SF3B3: variants seen among roughly 807,000 people sequenced by gnomAD.
The protein encoded by SF3B3 is splicing factor 3b subunit 3.
SF3B3 carries 33 observed loss-of-function variants against 139.2 expected under a neutral mutation model. The ratio of observed to expected loss-of-function variants is 0.24; its 90% CI spans 0.18 to 0.32. The LOEUF is 0.32. SF3B3 is among the 10% of genes least tolerant of loss of function. SF3B3 has a pLI of 1.00. For synonymous variants in SF3B3, 596 were observed against 563.6 expected (o/e 1.06, Z -0.81); for missense variants, 818 against 1,509.4 (o/e 0.54, Z 7.59).
chr16:70,532,943 AC>A (rs1209697645), intron 5 of SF3B3, among the ~76,000 whole-genome samples: 1 of 152,126 alleles, frequency 6.6e-6, no homozygotes. Flanking sequence ...TTCAAACCTA[AC>A]TCTTTCAAAA....
At chr16:70,554,895 C>T (rs1415712827) in intron 12 of SF3B3, among the ~76,000 whole-genome samples, 156 bp from the exon 13 acceptor site, 1 of 152,198 alleles carries the variant, frequency 6.6e-6, no homozygotes, top group Admixed American at 6.5e-5. Flanking sequence ...TTGACCTTGC[C>T]TGAGGCCTAC....
At chr16:70,541,946 T>C (rs1456259547) in intron 9 of SF3B3, 112 bp downstream of exon 9, 1 of 991,852 alleles carries the variant, frequency 1.0e-6, no homozygotes, top group East Asian at 2.5e-5. Flanking sequence ...GTAAAGCAGT[T>C]AGAGGTAGAA....
chr16:70,554,436 T>C lies in SF3B3; in HGVS notation c.1403-10T>C. The C allele has an allele frequency of 6.2e-7, 1 of 1,613,796 alleles. No individual in the cohort carries two copies. The highest frequency in any genetic ancestry group is 2.2e-5 in the East Asian group (1 of 44,884). Reference sequence around the variant, plus strand: ...TCTTATCTAACCAACTCCCTTCTTTTCTTTTTCAGATGAGTTTGATGCCTA... The same window carrying C: ...TCTTATCTAACCAACTCCCTTCTTTCCTTTTTCAGATGAGTTTGATGCCTA... On this transcript the variant is annotated splice_polypyrimidine_tract_variant and intron_variant, in intron 11 of 25. Coordinates refer to ENST00000302516, the MANE Select transcript of SF3B3 (RefSeq NM_012426.5).
intron 4 of SF3B3, among the ~76,000 whole-genome samples, chr16:70,532,119 C>T (rs566585422): frequency 4.6e-5 from 7 of 152,030 alleles, no homozygotes; most frequent in African/African-American, 1.7e-4. Context: ...ATGGAGAAAC[C>T]CCATCTCTAC....
rs1445869079 is a variant in SF3B3 at position 70,564,005 on chromosome 16, C to G, written c.2418C>G (p.Ala806=). Reference sequence around the variant, plus strand: ...TTATCATTGAAACGGACCACAATGCCTACACTGAGGCCACGAAAGCTCAGA... The same window carrying G: ...TTATCATTGAAACGGACCACAATGCGTACACTGAGGCCACGAAAGCTCAGA... ...NLIIIETDHN[A]YTEATKAQRK... Residue 806 remains alanine, a synonymous_variant, in exon 18 of 26, where the codon GCC becomes GCG. Coordinates refer to ENST00000302516, the MANE Select transcript of SF3B3 (RefSeq NM_012426.5). 1.2e-6 allele frequency: 2 copies of G among 1,614,120 alleles called. No homozygotes were observed. Among genetic ancestry groups the G allele is most frequent in the African/African-American group, 2.7e-5 (2 of 74,992 alleles).
At chr16:70,554,692 A>G in intron 12 of SF3B3, 95 bp downstream of exon 12, 2 of 1,271,206 alleles carry the variant, frequency 1.6e-6, no homozygotes, top group Non-Finnish European at 2.2e-6. Context: ...CTTCACCCTC[A>G]CCTTCCAGCA....
At chr16:70,567,092 C>G (rs532074526) in intron 20 of SF3B3, among the ~76,000 whole-genome samples, 1 of 151,970 alleles carries the variant, frequency 6.6e-6, no homozygotes, top group Admixed American at 6.6e-5. Context: ...GCATTTCTTT[C>G]CTGTCCCTCC....
chr16:70,570,367 GT>G (rs1421039682), intron 24 of SF3B3, among the ~76,000 whole-genome samples: 1 of 130,594 alleles, frequency 7.7e-6, no homozygotes, highest in Admixed American at 9.1e-5. Flanking sequence ...GAGTCTCACT[GT>G]TACCCGGGCT....
rs79369021 is a variant in SF3B3, at chr16:70,570,695, C to T, written c.3409-400C>T. 9.4e-3 allele frequency among the ~76,000 whole-genome samples: 1,435 copies of T among 152,312 alleles called. 27 individuals are homozygous for T. Among genetic ancestry groups the T allele is most frequent in the African/African-American group, 0.033 (1,360 of 41,564 alleles). ...TCTGATGCGAGTTTACAAGGTTAGC[C>T]TGAGCCCAGAGCTTTAGAACTGGAC... On this transcript the variant is annotated intron_variant, in intron 24 of 25. Transcript: ENST00000302516.
In SF3B3 at chr16:70,573,707, C is replaced by G. The variant is rs951850678; in HGVS notation, c.*1894C>G. On this transcript the variant is annotated 3_prime_UTR_variant, in exon 26 of 26. Transcript: ENST00000302516. ...GACTCCTGTGGTTTGATTGAGCAAC[C>G]AGGTAAATAGAGACCTCTCTCCAGC... is the stretch of plus-strand genomic sequence containing the variant. The G allele has an allele frequency of 1.3e-5, 2 of 152,166 alleles. No individual in the cohort carries two copies. The highest frequency in any genetic ancestry group is 2.4e-5 in the African/African-American group (1 of 41,424). 9.4% of individuals were successfully genotyped at this position (152,166 alleles called of 1,614,324 possible).
At chr16:70,559,800 G>A (rs1276727429) in intron 15 of SF3B3, among the ~76,000 whole-genome samples, 1 of 150,476 alleles carries the variant, frequency 6.6e-6, no homozygotes, top group Non-Finnish European at 1.5e-5. Flanking sequence ...ACAGAGTCTC[G>A]CTATGTTGGC....
At chr16:70,537,611 A>G (rs1567412349) in intron 6 of SF3B3, among the ~76,000 whole-genome samples, 1 of 152,244 alleles carries the variant, frequency 6.6e-6, no homozygotes, top group Non-Finnish European at 1.5e-5. Context: ...ACCTTAGAAG[A>G]AATTTGGCAA....
At position 70,574,831 on chromosome 16, in the gene SF3B3, T is replaced by A. The variant is rs1326290529; in HGVS notation, c.*3018T>A. 1.3e-5 allele frequency: 2 copies of A among 152,224 alleles called. No homozygotes were observed. The highest frequency in any genetic ancestry group is 2.9e-5 in the Non-Finnish European group (2 of 68,042). 9.4% of individuals were successfully genotyped at this position (152,224 alleles called of 1,614,324 possible). On this transcript the variant is annotated 3_prime_UTR_variant, in exon 26 of 26. Transcript: ENST00000302516. ...TTCTATTCAAAGTAAAAATGACATG[T>A]GTTTGAGTCATCCACTTGCTCATTT... is the stretch of plus-strand genomic sequence containing the variant.
In SF3B3 at chr16:70,574,826, A is replaced by T. The variant is rs971729170; in HGVS notation, c.*3013A>T. The T allele has an allele frequency of 6.6e-6, 1 of 152,192 alleles. No homozygotes were observed. The highest frequency in any genetic ancestry group is 1.5e-5 in the Non-Finnish European group (1 of 68,034). The allele number at this position is 152,192 out of a possible 1,614,324, so 9.4% of individuals were successfully genotyped here. On this transcript the variant is annotated 3_prime_UTR_variant, in exon 26 of 26. Coordinates refer to ENST00000302516, the MANE Select transcript of SF3B3 (RefSeq NM_012426.5). ...CTGTTTTCTATTCAAAGTAAAAATG[A>T]CATGTGTTTGAGTCATCCACTTGCT...
At chr16:70,531,184 C>T (rs1481376955) in intron 4 of SF3B3, among the ~76,000 whole-genome samples, 1 of 152,014 alleles carries the variant, frequency 6.6e-6, no homozygotes, top group African/African-American at 2.4e-5. Flanking sequence ...AGGAGAATGG[C>T]GTGAACCCGG....
intron 1 of SF3B3, chr16:70,524,853 T>G (rs1350349663): frequency 6.6e-6 from 1 of 151,844 alleles, no homozygotes; most frequent in African/African-American, 2.4e-5. Context: ...GCTAATTTTT[T>G]GTATTTTTAG....
chr16:70,565,268 T>C lies in SF3B3; in HGVS notation c.2667T>C (p.Phe889=), dbSNP rs74026080. 2.7e-3 allele frequency: 4,337 copies of C among 1,614,162 alleles called. 120 individuals carry two copies. The African/African-American group carries it at 0.052, about 19-fold the overall frequency. The part of the protein sequence containing the change: ...LVQLEQNEAA[F]SVAVCRFSNT... Reference sequence around the variant, plus strand: ...AGCTGGAACAGAATGAGGCAGCTTTTAGGTAAGCAGCCCAGGACAGTCCAG... The same window carrying C: ...AGCTGGAACAGAATGAGGCAGCTTTCAGGTAAGCAGCCCAGGACAGTCCAG... The change falls in exon 19 of 26, where the codon TTT becomes TTC. Residue 889 remains phenylalanine (F), a splice_region_variant and synonymous_variant. Transcript: ENST00000302516.
At chr16:70,526,998 A>G in intron 2 of SF3B3, 1 of 520,468 alleles carries the variant, frequency 1.9e-6, no homozygotes, top group South Asian at 2.3e-5. Context: ...CTATTGCTGT[A>G]AGACATACTG....
chr16:70,526,444 G>C, intron 1 of SF3B3, 143 bp from the exon 2 acceptor site: 1 of 507,280 alleles, frequency 2.0e-6, no homozygotes, highest in Non-Finnish European at 3.5e-6. Context: ...CTGACCTCGT[G>C]AGCCACCACG....
Sources: allele counts gnomAD v4.1 joint callset (sites outside exome capture counted in the v4.1 genomes callset), GRCh38; gene constraint gnomAD v4.1.1; transcripts MANE v1.5; gene names NCBI Gene and HGNC (gene_info 2026-07-23, HGNC 2026-07-21).